ADAMTS9: variants seen among roughly 807,000 people sequenced by gnomAD.
The protein encoded by ADAMTS9 is ADAM metallopeptidase with thrombospondin type 1 motif 9.
ADAMTS9 carries 107 observed loss-of-function variants against 257.1 expected under a neutral mutation model. The ratio of observed to expected loss-of-function variants is 0.42; its 90% CI spans 0.36 to 0.49. The LOEUF (loss-of-function observed/expected upper bound fraction) is 0.49, where lower values mean the gene tolerates loss of function less well. Ranked by LOEUF, ADAMTS9 falls within the 20% of genes least tolerant of loss-of-function variation. The probability of loss-of-function intolerance (pLI) is 0.03; values close to 1 mark genes in which losing one functional copy is unlikely to be tolerated. For missense variants in ADAMTS9, 2,353 were observed against 2,469.1 expected, an observed-to-expected ratio of 0.95 and a Z score of 1.00; for synonymous variants, 982 against 880.9, an observed-to-expected ratio of 1.11 and a Z score of -2.03.
chr3:64,656,537 T>C (rs1701074656), intron 4 of ADAMTS9, among the ~76,000 whole-genome samples: 1 of 152,118 alleles, frequency 6.6e-6, no homozygotes, highest in African/African-American at 2.4e-5. Flanking sequence ...AGAAATTAAG[T>C]CACTTGTCTG....
chr3:64,639,159 T>A (rs1700573281), intron 12 of ADAMTS9, among the ~76,000 whole-genome samples: 2 of 151,906 alleles, frequency 1.3e-5, no homozygotes, highest in Admixed American at 6.6e-5. Context: ...TCAAATTGAC[T>A]CCCCCAGAGC....
At chr3:64,658,472 C>A in intron 4 of ADAMTS9, 30 bp downstream of exon 4, 1 of 1,592,118 alleles carries the variant, frequency 6.3e-7, no homozygotes, top group South Asian at 1.2e-5. Context: ...TTAGAGACCT[C>A]ATAAATCACC....
At chr3:64,610,332 GA>G (rs1319636709) in intron 22 of ADAMTS9, among the ~76,000 whole-genome samples, 2 of 152,078 alleles carry the variant, frequency 1.3e-5, no homozygotes, top group Non-Finnish European at 2.9e-5. Context: ...GGGGATGGGG[GA>G]AATATTTGCC....
At chr3:64,677,554 C>G (rs141257088) in intron 3 of ADAMTS9, among the ~76,000 whole-genome samples, 1 of 152,254 alleles carries the variant, frequency 6.6e-6, no homozygotes, top group East Asian at 1.9e-4. Flanking sequence ...TGGGCTATTA[C>G]CTTTGAATTT....
At chr3:64,654,303 AAAGGT>A (rs756529965) in intron 8 of ADAMTS9, 45 bp downstream of exon 8, 1 of 1,544,696 alleles carries the variant, frequency 6.5e-7, no homozygotes, top group South Asian at 1.2e-5. Context: ...CGAAGGAATA[AAAGGT>A]TTAGGTCACT....
At chr3:64,630,825 A>C (rs1220142384) in intron 16 of ADAMTS9, among the ~76,000 whole-genome samples, 1 of 152,224 alleles carries the variant, frequency 6.6e-6, no homozygotes, top group African/African-American at 2.4e-5. Context: ...TGGGCTGAGC[A>C]AACTGTTGAA....
At chr3:64,677,589 C>T (rs1362640925) in intron 3 of ADAMTS9, among the ~76,000 whole-genome samples, 2 of 152,130 alleles carry the variant, frequency 1.3e-5, no homozygotes, top group Admixed American at 6.5e-5. Flanking sequence ...TTCCTTTCCT[C>T]ATTGTGGTGT....
At chr3:64,603,366 G>A (rs570242440) in intron 25 of ADAMTS9, among the ~76,000 whole-genome samples, 3 of 152,028 alleles carry the variant, frequency 2.0e-5, no homozygotes, top group African/African-American at 7.2e-5. Flanking sequence ...TGAACTCTGG[G>A]CTTTTTGCAG....
chr3:64,657,460 C>A (rs981295861), intron 4 of ADAMTS9, among the ~76,000 whole-genome samples: 1 of 151,906 alleles, frequency 6.6e-6, no homozygotes, highest in Admixed American at 6.6e-5. Flanking sequence ...CCTCAGCTCC[C>A]GAGCACCTGA....
chr3:64,609,676 G>C (rs1208574711), intron 22 of ADAMTS9, among the ~76,000 whole-genome samples: 4 of 152,154 alleles, frequency 2.6e-5, no homozygotes, highest in Non-Finnish European at 5.9e-5. Flanking sequence ...TGGATTAAAA[G>C]ATTTAGTATT....
chr3:64,570,506 C>T (rs779608697), intron 28 of ADAMTS9, among the ~76,000 whole-genome samples: 50 of 151,842 alleles, frequency 3.3e-4, no homozygotes, highest in Non-Finnish European at 6.9e-4. Flanking sequence ...AAAACATTTA[C>T]TTTGCCTGAG....
intron 28 of ADAMTS9, among the ~76,000 whole-genome samples, chr3:64,573,079 TAA>T (rs57570382): frequency 0.14 from 16,211 of 119,662 alleles, 1,227 homozygotes; most frequent in East Asian, 0.27. Context: ...GACTCCATCT[TAA>T]AAAAAAAAAA....
At chr3:64,616,311 T>G in intron 19 of ADAMTS9, 141 bp from the exon 20 acceptor site, 2 of 844,932 alleles carry the variant, frequency 2.4e-6, no homozygotes, top group Admixed American at 5.2e-5. Context: ...CACAGTCAGT[T>G]GCTAAAATCT....
intron 27 of ADAMTS9, among the ~76,000 whole-genome samples, chr3:64,594,682 T>C (rs1397306056): frequency 2.0e-5 from 3 of 152,202 alleles, no homozygotes; most frequent in South Asian, 2.1e-4. Context: ...ATATATTATC[T>C]AATCAAGAGG....
chr3:64,549,999 TAACAA>T (rs1372184562), intron 31 of ADAMTS9: 1 of 150,676 alleles, frequency 6.6e-6, no homozygotes, highest in Non-Finnish European at 1.5e-5. Flanking sequence ...TCATATTACC[TAACAA>T]TTTTCAATAC....
chr3:64,572,398 G>A (rs555702153), intron 28 of ADAMTS9, among the ~76,000 whole-genome samples: 40 of 152,278 alleles, frequency 2.6e-4, no homozygotes, highest in African/African-American at 7.5e-4. Context: ...AACCTCTATC[G>A]AGGGCTCTCT....
intron 22 of ADAMTS9, 129 bp downstream of exon 22, chr3:64,613,216 G>A (rs1270359494): frequency 9.4e-7 from 1 of 1,067,412 alleles, no homozygotes; most frequent in Non-Finnish European, 1.3e-6. Context: ...TTGATCCAGT[G>A]CCATGGAGGT....
Position 64,687,503 on chromosome 3 carries a change from G to A in ADAMTS9, c.115+40C>T. On this transcript the variant is annotated intron_variant, in intron 1 of 39. Transcript: ENST00000498707. The surrounding 1 kb of genome is among the most constrained non-coding windows in gnomAD (Gnocchi z 4.4). ...CCAGGAGCGAGGACCGGGAGGCGGC[G>A]TCGGGGCCGGCGGGGTCCCGGGGGC... is the stretch of plus-strand genomic sequence containing the variant. 6.8e-7 allele frequency: 1 copy of A among 1,469,414 alleles called. No individual in the cohort carries two copies. The highest frequency in any genetic ancestry group is 2.6e-5 in the East Asian group (1 of 38,436). 91.0% of individuals were successfully genotyped at this position (1,469,414 alleles called of 1,614,324 possible).
chr3:64,676,957 C>G (rs968385655), intron 3 of ADAMTS9, among the ~76,000 whole-genome samples: 2 of 152,194 alleles, frequency 1.3e-5, no homozygotes, highest in African/African-American at 4.8e-5. Flanking sequence ...CTCTCACCCA[C>G]CTACCAGGAA....
Sources: allele counts gnomAD v4.1 joint callset (sites outside exome capture counted in the v4.1 genomes callset), GRCh38; gene constraint gnomAD v4.1.1; non-coding constraint Gnocchi (gnomAD v3.1); transcripts MANE v1.5; gene names NCBI Gene and HGNC (gene_info 2026-07-23, HGNC 2026-07-21).